The following FAM83B variants were observed in gnomAD, a reference collection of about 807,000 sequenced individuals.
The protein encoded by FAM83B is scaffolding CK1 anchoring protein B.
A neutral mutation model predicts 38.8 loss-of-function variants in FAM83B; 26 were observed. The ratio of observed to expected loss-of-function variants is 0.67; its 90% confidence interval spans 0.49 to 0.93. The LOEUF (loss-of-function observed/expected upper bound fraction) is 0.93. FAM83B is among the 40% of genes least tolerant of loss of function. The pLI is 0.00. For synonymous variants in FAM83B, 419 were observed against 423.1 expected, an observed-to-expected ratio of 0.99 and a Z score of 0.12; for missense variants, 1,237 against 1,197.3, an observed-to-expected ratio of 1.03 and a Z score of -0.49.
intron 2 of FAM83B, among the ~76,000 whole-genome samples, chr6:54,921,564 C>T (rs941803140): frequency 1.3e-5 from 2 of 151,664 alleles, no homozygotes; most frequent in African/African-American, 4.8e-5. Context: ...TTTACCTTTT[C>T]GAATTATAAT....
intron 1 of FAM83B, among the ~76,000 whole-genome samples, chr6:54,849,886 C>G (rs1321235635): frequency 1.3e-5 from 2 of 151,482 alleles, no homozygotes; most frequent in African/African-American, 4.9e-5. Flanking sequence ...CAGGTGTAGT[C>G]TCCCGGTTAC....
At chr6:54,854,822 A>T (rs559034391) in intron 1 of FAM83B, among the ~76,000 whole-genome samples, 2 of 152,348 alleles carry the variant, frequency 1.3e-5, no homozygotes, top group African/African-American at 2.4e-5. Context: ...CTAGTAGCTA[A>T]AATATAAATA....
chr6:54,903,215 T>G (rs1049066843), intron 2 of FAM83B, among the ~76,000 whole-genome samples: 2 of 152,180 alleles, frequency 1.3e-5, no homozygotes, highest in African/African-American at 2.4e-5. Flanking sequence ...TATTGGACAT[T>G]TAAGTTTCTT....
intron 2 of FAM83B, among the ~76,000 whole-genome samples, chr6:54,912,436 CA>C (rs962510124): frequency 3.5e-5 from 5 of 144,576 alleles, no homozygotes; most frequent in South Asian, 2.2e-4. Context: ...AAAAAAACAA[CA>C]AAAAAAGATT....
In FAM83B at chr6:54,943,210, G is replaced by A. The variant is rs1773743226; in HGVS notation, c.*1203G>A. 3.3e-5 allele frequency: 5 copies of A among 152,106 alleles called. No homozygotes were observed. In the South Asian group the frequency reaches 1.0e-3, roughly 32 times the overall value. 9.4% of individuals were successfully genotyped at this position (152,106 alleles called of 1,614,324 possible). A position where few individuals can be genotyped will look rare whatever the true frequency, so the allele number is the denominator to read the frequency against. On this transcript the variant is annotated 3_prime_UTR_variant, in exon 5 of 5. Transcript: ENST00000306858. Reference sequence around the variant, plus strand: ...CTCTTCTTTAAGTTGTGCCAAATATGATATGACTGCATAGTGTTTTTGTAA... The same window carrying A: ...CTCTTCTTTAAGTTGTGCCAAATATAATATGACTGCATAGTGTTTTTGTAA...
rs776540555 is a variant in FAM83B, at chr6:54,940,336, T to A, written c.1365T>A (p.Asn455Lys). 6.2e-7 allele frequency: 1 copy of A among 1,613,926 alleles called. No homozygotes were observed. The highest frequency in any genetic ancestry group is 1.1e-5 in the South Asian group (1 of 91,076). The change falls in exon 5 of 5, where the codon AAT becomes AAA. Residue 455 changes from asparagine (N) to lysine (K), a missense_variant. Coordinates refer to ENST00000306858, the MANE Select transcript of FAM83B (RefSeq NM_001010872.3). ...GGCTTGCGCAGAGAAAAACAACAAA[T>A]CTTGCAGACAGGAATTCAAATGTTC... ...ANRLAQRKTT[N>K]LADRNSNVRR...
chr6:54,853,101 C>A (rs756901990), intron 1 of FAM83B, among the ~76,000 whole-genome samples: 1 of 152,284 alleles, frequency 6.6e-6, no homozygotes, highest in South Asian at 2.1e-4. Context: ...AGAGCAAGAC[C>A]TTAACTCTCT....
Position 54,940,270 on chromosome 6 carries a change from T to C in FAM83B, c.1299T>C (p.Tyr433=), listed in dbSNP as rs568083070. Reference sequence around the variant, plus strand: ...TGGCGTCCTCATCACGGGAAGGCTATGTAAGCCACCACAACACACCTGCCC... The same window carrying C: ...TGGCGTCCTCATCACGGGAAGGCTACGTAAGCCACCACAACACACCTGCCC... ...LSVASSSREG[Y]VSHHNTPAQS... The change falls in exon 5 of 5, where the codon TAT becomes TAC. Residue 433 remains tyrosine, a synonymous_variant. Coordinates refer to ENST00000306858, the MANE Select transcript of FAM83B (RefSeq NM_001010872.3). 2 of 1,614,030 alleles carry C rather than the reference T, an allele frequency of 1.2e-6. No homozygotes were observed. Among genetic ancestry groups the C allele is most frequent in the Admixed American group, 1.7e-5 (1 of 59,960 alleles).
At chr6:54,897,194 T>C (rs1772557784) in intron 2 of FAM83B, among the ~76,000 whole-genome samples, 1 of 150,724 alleles carries the variant, frequency 6.6e-6, no homozygotes, top group Admixed American at 6.6e-5. Context: ...ATACTGCTGC[T>C]ACACTGGTAT....
At chr6:54,939,468 T>G (rs1434113523) in intron 4 of FAM83B, among the ~76,000 whole-genome samples, 1 of 152,124 alleles carries the variant, frequency 6.6e-6, no homozygotes, top group East Asian at 1.9e-4. Context: ...CAGCAAGTTT[T>G]TCTTTGGACT....
chr6:54,882,720 T>C (rs1772161053), intron 2 of FAM83B, among the ~76,000 whole-genome samples: 1 of 152,176 alleles, frequency 6.6e-6, no homozygotes, highest in East Asian at 1.9e-4. Flanking sequence ...TTACTTCCAC[T>C]CCAGGGCTAC....
At chr6:54,924,601 CTG>C (rs1773245559) in intron 2 of FAM83B, among the ~76,000 whole-genome samples, 1 of 151,740 alleles carries the variant, frequency 6.6e-6, no homozygotes, top group African/African-American at 2.4e-5. Context: ...TCCACCTGCC[CTG>C]TGTTTCCTCA....
At chr6:54,904,624 C>A (rs1772736213) in intron 2 of FAM83B, among the ~76,000 whole-genome samples, 1 of 152,168 alleles carries the variant, frequency 6.6e-6, no homozygotes, top group Admixed American at 6.5e-5. Context: ...ACTATTCATT[C>A]CATGGGTGTA....
At chr6:54,886,118 A>G (rs1168723252) in intron 2 of FAM83B, among the ~76,000 whole-genome samples, 3 of 152,166 alleles carry the variant, frequency 2.0e-5, no homozygotes, top group South Asian at 2.1e-4. Context: ...GATATCACCA[A>G]TGCAATCCTG....
intron 2 of FAM83B, among the ~76,000 whole-genome samples, chr6:54,872,998 G>T (rs12203757): frequency 0.93 from 139,081 of 149,954 alleles, 64,611 homozygotes; most frequent in East Asian, 1. Flanking sequence ...CATGGTTTTT[G>T]TTTTTAATTT....
At chr6:54,846,211 GAGA>G (rs1382319366), upstream of FAM83B, among the ~76,000 whole-genome samples, 2 of 152,224 alleles carry the variant, frequency 1.3e-5, no homozygotes, top group African/African-American at 2.4e-5. Flanking sequence ...CTTAGGCACT[GAGA>G]AGGAGTCTGC....
intron 2 of FAM83B, among the ~76,000 whole-genome samples, chr6:54,920,309 A>G (rs1297041729): frequency 6.6e-6 from 1 of 151,742 alleles, no homozygotes; most frequent in African/African-American, 2.4e-5. Flanking sequence ...ATTTTGTTAT[A>G]ATGTTATTGT....
intron 1 of FAM83B, among the ~76,000 whole-genome samples, chr6:54,858,590 TAA>T (rs1771500656): frequency 6.6e-6 from 1 of 152,320 alleles, no homozygotes; most frequent in East Asian, 1.9e-4. Flanking sequence ...GCTATTGAAA[TAA>T]GTTTATATAA....
chr6:54,919,141 A>C (rs193102237), intron 2 of FAM83B, among the ~76,000 whole-genome samples: 1 of 152,244 alleles, frequency 6.6e-6, no homozygotes, highest in Admixed American at 6.5e-5. Flanking sequence ...AGTAAAAAAA[A>C]CTATGGCTTT....
Sources: allele counts gnomAD v4.1 joint callset (sites outside exome capture counted in the v4.1 genomes callset), GRCh38; gene constraint gnomAD v4.1.1; transcripts MANE v1.5; gene names NCBI Gene and HGNC (gene_info 2026-07-23, HGNC 2026-07-21).